The following SPCS2 variants were observed in gnomAD, a reference collection of about 807,000 sequenced individuals.
SPCS2 encodes the protein SPase 25 kDa subunit.
A neutral mutation model predicts 22.3 loss-of-function variants in SPCS2; 3 were observed. The observed-to-expected ratio is 0.13, with a 90% CI of 0.06 to 0.35. The LOEUF (loss-of-function observed/expected upper bound fraction) is 0.35, where lower values mean the gene tolerates loss of function less well. Ranked by LOEUF, SPCS2 falls within the 10% of genes least tolerant of loss-of-function variation. The pLI, the probability that SPCS2 is intolerant of heterozygous loss-of-function variation, is 1.00. For synonymous variants in SPCS2, 67 were observed against 97.2 expected (o/e 0.69, Z 1.83); for missense variants, 169 against 280.9 (o/e 0.60, Z 2.85).
chr11:74,963,083 A>G (rs1282081897), intron 1 of SPCS2, among the ~76,000 whole-genome samples: 1 of 152,254 alleles, frequency 6.6e-6, no homozygotes, highest in Non-Finnish European at 1.5e-5. Flanking sequence ...AAATAATTCA[A>G]ATGCTATGGT....
chr11:74,954,681 C>T lies in SPCS2; in HGVS notation c.114+5282C>T, dbSNP rs556890187. On this transcript the variant is annotated intron_variant, in intron 1 of 4. Coordinates refer to ENST00000263672, the MANE Select transcript of SPCS2 (RefSeq NM_014752.3). ...AGGTGCTGGCCTTTTAATACTGTTGCAAACTGATCTTTATTAGCGTCTCAA... is the reference window on the plus strand; with the variant it reads ...AGGTGCTGGCCTTTTAATACTGTTGTAAACTGATCTTTATTAGCGTCTCAA... Among the ~76,000 whole-genome samples, 4 of 152,218 alleles carry T rather than the reference C, an allele frequency of 2.6e-5. No homozygotes were observed. The South Asian group carries it at 8.3e-4, about 32-fold the overall frequency.
At chr11:74,970,052 A>G (rs1948574769) in intron 4 of SPCS2, among the ~76,000 whole-genome samples, 2 of 152,234 alleles carry the variant, frequency 1.3e-5, no homozygotes, top group Non-Finnish European at 2.9e-5. Context: ...TCTTCTCTCC[A>G]CGAATACAAT....
At chr11:74,969,501 T>C in intron 3 of SPCS2, 64 bp from the exon 4 acceptor site, 1 of 1,498,238 alleles carries the variant, frequency 6.7e-7, no homozygotes, top group Non-Finnish European at 9.2e-7. Flanking sequence ...TTATATCTGT[T>C]GCTTGTCAAT....
chr11:74,953,467 A>G (rs1221180725), intron 1 of SPCS2, among the ~76,000 whole-genome samples: 1 of 152,176 alleles, frequency 6.6e-6, no homozygotes, highest in East Asian at 1.9e-4. Context: ...TGCGGGGTTT[A>G]CAAGCGTGCG....
At chr11:74,974,719 A>G (rs1437102039) in intron 4 of SPCS2, among the ~76,000 whole-genome samples, 2 of 152,088 alleles carry the variant, frequency 1.3e-5, no homozygotes. Context: ...GGTTCACACC[A>G]TTCTCCTGCC....
chr11:74,973,691 T>G (rs78084742), intron 4 of SPCS2, among the ~76,000 whole-genome samples: 3,772 of 152,256 alleles, frequency 0.025, 137 homozygotes, highest in African/African-American at 0.087. Flanking sequence ...ACTCTCTCCC[T>G]GTCCTGGAGG....
At chr11:74,969,782 G>T in intron 4 of SPCS2, 83 bp downstream of exon 4, 1 of 1,479,062 alleles carries the variant, frequency 6.8e-7, no homozygotes, top group Non-Finnish European at 9.4e-7. Context: ...GACTTATTAT[G>T]TGCCTACTCT....
intron 1 of SPCS2, among the ~76,000 whole-genome samples, chr11:74,955,487 C>T (rs573193849): frequency 6.6e-6 from 1 of 152,160 alleles, no homozygotes; most frequent in African/African-American, 2.4e-5. Context: ...AGTATGACTG[C>T]ATTTGTATAT....
At chr11:74,949,613 C>G in intron 1 of SPCS2, 3 of 612,494 alleles carry the variant, frequency 4.9e-6, no homozygotes, top group Admixed American at 4.3e-5. Flanking sequence ...CTTCTTTTCT[C>G]GCAAGTGTTC....
intron 1 of SPCS2, among the ~76,000 whole-genome samples, chr11:74,951,810 CAAAAA>C (rs61038317): frequency 4.9e-5 from 4 of 81,386 alleles, no homozygotes; most frequent in South Asian, 5.1e-4. Flanking sequence ...AACTCTGTCT[CAAAAA>C]AAAAAAAAAA....
At chr11:74,958,511 G>T (rs759241492) in intron 1 of SPCS2, among the ~76,000 whole-genome samples, 21 of 152,190 alleles carry the variant, frequency 1.4e-4, no homozygotes, top group African/African-American at 2.2e-4. Context: ...TGTGTGTGTG[G>T]GGGGGATATA....
At chr11:74,956,530 T>G (rs1385665138) in intron 1 of SPCS2, among the ~76,000 whole-genome samples, 4 of 150,654 alleles carry the variant, frequency 2.7e-5, no homozygotes, top group Non-Finnish European at 5.9e-5. Context: ...GCCATCTCAT[T>G]GTCGTATTTT....
At chr11:74,973,932 A>G (rs763121631) in intron 4 of SPCS2, among the ~76,000 whole-genome samples, 1 of 150,316 alleles carries the variant, frequency 6.7e-6, no homozygotes, top group Non-Finnish European at 1.5e-5. Flanking sequence ...ATACAAATAT[A>G]CTGTAATTTC....
chr11:74,975,307 A>G (rs1048202600), intron 4 of SPCS2, among the ~76,000 whole-genome samples: 1 of 152,132 alleles, frequency 6.6e-6, no homozygotes, highest in Non-Finnish European at 1.5e-5. Context: ...CTGCTCAGAC[A>G]TCTGCTTAGT....
intron 4 of SPCS2, among the ~76,000 whole-genome samples, chr11:74,971,339 A>G (rs1174679622): frequency 6.6e-6 from 1 of 152,174 alleles, no homozygotes; most frequent in Non-Finnish European, 1.5e-5. Flanking sequence ...TTAGGTAGAC[A>G]TGTTTTCATT....
intron 4 of SPCS2, among the ~76,000 whole-genome samples, chr11:74,970,775 G>A (rs907746026): frequency 1.3e-5 from 2 of 152,172 alleles, no homozygotes; most frequent in African/African-American, 4.8e-5. Flanking sequence ...GGCCACTGAA[G>A]CTGAGTTGCA....
intron 3 of SPCS2, among the ~76,000 whole-genome samples, chr11:74,966,182 C>G (rs539659240): frequency 1.3e-5 from 2 of 152,142 alleles, no homozygotes; most frequent in Non-Finnish European, 2.9e-5. Context: ...CTAATATGAG[C>G]ACTTAATAGC....
intron 1 of SPCS2, among the ~76,000 whole-genome samples, chr11:74,954,754 A>C (rs1243662912): frequency 6.6e-6 from 1 of 152,214 alleles, no homozygotes; most frequent in Non-Finnish European, 1.5e-5. Context: ...GTGTGTGTCA[A>C]AGGCCACTAT....
intron 4 of SPCS2, among the ~76,000 whole-genome samples, chr11:74,975,293 GTC>G (rs144644316): frequency 3.3e-5 from 5 of 151,982 alleles, no homozygotes; most frequent in African/African-American, 1.2e-4. Flanking sequence ...TACCTTTCTT[GTC>G]TCTGCTCAGA....
Sources: allele counts gnomAD v4.1 joint callset (sites outside exome capture counted in the v4.1 genomes callset), GRCh38; gene constraint gnomAD v4.1.1; transcripts MANE v1.5; gene names NCBI Gene and HGNC (gene_info 2026-07-23, HGNC 2026-07-21).